Variants in GAK observed in about 807,000 individuals in gnomAD.
GAK encodes cyclin-G-associated kinase.
GAK carries 79 observed loss-of-function variants against 143.9 expected under a neutral mutation model. That is an observed-to-expected ratio of 0.55 (90% CI 0.46 to 0.66). The LOEUF (loss-of-function observed/expected upper bound fraction) is 0.66. GAK is among the 30% of genes least tolerant of loss of function. The pLI is 0.00. For missense variants in GAK, 1,693 were observed against 1,779.7 expected, an observed-to-expected ratio of 0.95 and a Z score of 0.88; for synonymous variants, 881 against 765.5, an observed-to-expected ratio of 1.15 and a Z score of -2.49.
intron 1 of GAK, among the ~76,000 whole-genome samples, chr4:922,766 A>G (rs1724111256): frequency 6.6e-6 from 1 of 152,222 alleles, no homozygotes; most frequent in Admixed American, 6.5e-5. Flanking sequence ...AACTAAACAC[A>G]TAATTACCAC....
At chr4:853,056 C>A (rs1249398200) in intron 24 of GAK, 1 of 151,886 alleles carries the variant, frequency 6.6e-6, no homozygotes, top group South Asian at 2.1e-4. Flanking sequence ...GTCTCAAACT[C>A]CTAGGCTTAA....
At chr4:884,379 C>T in intron 11 of GAK, 1 of 410,272 alleles carries the variant, frequency 2.4e-6, no homozygotes, top group Non-Finnish European at 4.5e-6. Flanking sequence ...CCTGCGCTCT[C>T]CAGGGAGGCA....
chr4:882,615 T>G, intron 14 of GAK, 82 bp downstream of exon 14: 1 of 1,536,656 alleles, frequency 6.5e-7, no homozygotes, highest in Non-Finnish European at 8.8e-7. Context: ...AGCTCATGAC[T>G]GGCGCTCAGA....
intron 1 of GAK, among the ~76,000 whole-genome samples, chr4:927,893 A>G (rs897288755): frequency 1.3e-5 from 2 of 152,344 alleles, no homozygotes; most frequent in African/African-American, 4.8e-5. Context: ...AGAAGCAAGG[A>G]TGACAGAACC....
Position 899,428 on chromosome 4 carries a change from C to A in GAK, c.526-1270G>T, listed in dbSNP as rs372297692. Among the ~76,000 whole-genome samples the A allele has an allele frequency of 9.9e-5, 15 of 151,540 alleles. No individual in the cohort carries two copies. In the East Asian group the frequency reaches 2.7e-3, roughly 28 times the overall value. ...CACACGCGGTCAGTACGGGCTCCCA[C>A]AGGCAGCACAGGGCTCCGAGAGGGC... is the stretch of plus-strand genomic sequence containing the variant. On this transcript the variant is annotated intron_variant, in intron 5 of 27. Transcript: ENST00000314167.
intron 11 of GAK, 51 bp downstream of exon 11, chr4:888,796 A>C: frequency 1.3e-6 from 2 of 1,566,292 alleles, no homozygotes; most frequent in Non-Finnish European, 1.7e-6. Context: ...CCGGGGCTGC[A>C]GCCTGGAACG....
intron 10 of GAK, among the ~76,000 whole-genome samples, 157 bp downstream of exon 10, chr4:890,375 C>T (rs1273439207): frequency 4.6e-5 from 7 of 152,172 alleles, no homozygotes; most frequent in Non-Finnish European, 8.8e-5. Context: ...ACTGCCGAAC[C>T]TGAGGGTGTG....
chr4:890,210 A>T (rs1208120633), intron 10 of GAK, among the ~76,000 whole-genome samples: 1 of 152,066 alleles, frequency 6.6e-6, no homozygotes, highest in African/African-American at 2.4e-5. Context: ...GCTGCCTCCC[A>T]CATAACCCCT....
intron 1 of GAK, among the ~76,000 whole-genome samples, chr4:921,402 T>C (rs1197727558): frequency 6.6e-6 from 1 of 152,174 alleles, no homozygotes; most frequent in Non-Finnish European, 1.5e-5. Flanking sequence ...CCCATCGAGA[T>C]GATTTCTGAG....
At chr4:861,639 A>G (rs1750295971) in intron 23 of GAK, among the ~76,000 whole-genome samples, 2 of 152,258 alleles carry the variant, frequency 1.3e-5, no homozygotes, top group Non-Finnish European at 2.9e-5. Context: ...TTGCACCAGC[A>G]AGCCAAATTG....
intron 11 of GAK, chr4:887,986 C>A (rs1477106001): frequency 6.6e-6 from 1 of 152,356 alleles, no homozygotes; most frequent in Non-Finnish European, 1.5e-5. Context: ...TGCACCCACG[C>A]TCACATGTGC....
chr4:866,249 G>A (rs1751143434), intron 22 of GAK, 115 bp downstream of exon 22: 1 of 1,081,848 alleles, frequency 9.2e-7, no homozygotes. Flanking sequence ...GCACCCGGAG[G>A]CCACACAGTC....
chr4:906,613 A>G (rs1357574149), intron 4 of GAK, among the ~76,000 whole-genome samples: 1 of 152,118 alleles, frequency 6.6e-6, no homozygotes, highest in African/African-American at 2.4e-5. Context: ...AGCTGGCCAC[A>G]GTCCATGTGT....
chr4:912,823 A>G (rs1433608147), intron 2 of GAK, 29 bp from the exon 3 acceptor site: 1 of 1,604,242 alleles, frequency 6.2e-7, no homozygotes, highest in Non-Finnish European at 8.5e-7. Context: ...CACACAAAAG[A>G]TGAAAGCAAG....
At chr4:876,668 C>G (rs62297064) in intron 17 of GAK, 59 bp from the exon 18 acceptor site, 14 of 1,501,044 alleles carry the variant, frequency 9.3e-6, no homozygotes, top group Non-Finnish European at 1.3e-5. Flanking sequence ...CCTGGGGCCA[C>G]AGGCCAATTT....
rs200909207 is a variant in GAK at position 859,688 on chromosome 4, A to G, written c.3201T>C (p.Pro1067=). ...PLFSPGGQPA[P]CGSQASWTKS... The stretch of plus-strand genomic sequence containing the variant: ...TGGTCCAGCTGGCCTGAGAGCCACA[A>G]GGGGCCGGCTGACCTCCAGGAGAGA... The change falls in exon 24 of 28, where the codon CCT becomes CCC. Residue 1067 remains proline (P), a synonymous_variant. Transcript: ENST00000314167. 68 of 1,599,706 alleles carry G rather than the reference A, an allele frequency of 4.3e-5. No individual in the cohort carries two copies. The highest frequency in any genetic ancestry group is 5.7e-5 in the Non-Finnish European group (67 of 1,168,236).
rs778837919 is a variant in GAK at position 913,664 on chromosome 4, C to T, written c.150G>A (p.Gly50=). 1 of 1,612,938 alleles carries T rather than the reference C, an allele frequency of 6.2e-7. No homozygotes were observed. Among genetic ancestry groups the T allele is most frequent in the South Asian group, 1.1e-5 (1 of 91,058 alleles). The change falls in exon 2 of 28, where the codon GGG becomes GGA. Residue 50 remains glycine (G), a synonymous_variant. Transcript: ENST00000314167. ...LRVRRVLAEG[G]FAFVYEAQDV... Reference sequence around the variant, plus strand: ...CTTGAGCTTCATACACAAATGCAAACCCTCCTGAAAATTAAAAAGACTTGT... The same window carrying T: ...CTTGAGCTTCATACACAAATGCAAATCCTCCTGAAAATTAAAAAGACTTGT...
intron 4 of GAK, among the ~76,000 whole-genome samples, chr4:909,387 C>G (rs565124233): frequency 1.3e-5 from 2 of 152,232 alleles, no homozygotes; most frequent in Non-Finnish European, 1.5e-5. Flanking sequence ...GATTGACTGA[C>G]AGACACCTCA....
At chr4:864,704 G>A (rs1338538254) in intron 23 of GAK, among the ~76,000 whole-genome samples, 1 of 152,174 alleles carries the variant, frequency 6.6e-6, no homozygotes, top group South Asian at 2.1e-4. Flanking sequence ...CCGCAACACC[G>A]AGACAAGACC....
Sources: gnomAD v4.1 joint callset for allele counts (sites outside exome capture counted in the v4.1 genomes callset) on GRCh38, gnomAD v4.1.1 for gene constraint, MANE v1.5 for transcripts, NCBI Gene and HGNC (gene_info 2026-07-23, HGNC 2026-07-21) for gene names.